GALNT13: variants seen among roughly 807,000 people sequenced by gnomAD.
GALNT13 encodes UDP-GalNAc:polypeptide N-acetylgalactosaminyltransferase 13.
Under a neutral mutation model 64.2 loss-of-function variants are expected in GALNT13, and 28 were observed. The ratio of observed to expected loss-of-function variants is 0.44; its 90% confidence interval spans 0.32 to 0.60. The LOEUF is 0.60. Among genes scored for constraint, GALNT13 ranks in the 20% least tolerant of loss-of-function variants. GALNT13 has a pLI of 0.05. For synonymous variants in GALNT13, 214 were observed against 224.6 expected, an observed-to-expected ratio of 0.95 and a Z score of 0.42; for missense variants, 577 against 669.8, an observed-to-expected ratio of 0.86 and a Z score of 1.53.
the GALNT13 span, among the ~76,000 whole-genome samples, chr2:153,682,604 A>G: frequency 6.6e-6 from 1 of 151,814 alleles, no homozygotes; most frequent in Non-Finnish European, 1.5e-5. Context: ...CAACATTTTC[A>G]TCAATGATTA....
the GALNT13 span, among the ~76,000 whole-genome samples, chr2:153,587,232 C>CA: frequency 0.43 from 55,606 of 129,264 alleles, 12,054 homozygotes; most frequent in South Asian, 0.51. Flanking sequence ...GACTCTGTCT[C>CA]AAAAAAAAAA....
chr2:154,232,620 C>A (rs990675547), intron 4 of GALNT13, among the ~76,000 whole-genome samples: 2 of 152,048 alleles, frequency 1.3e-5, no homozygotes, highest in South Asian at 4.1e-4. Flanking sequence ...AACACTGTAT[C>A]CCATCAGGAA....
chr2:153,545,513 C>G, the GALNT13 span, among the ~76,000 whole-genome samples: 1 of 152,128 alleles, frequency 6.6e-6, no homozygotes, highest in Non-Finnish European at 1.5e-5. Context: ...TATTGGAGGG[C>G]AAGCAGCAGT....
intron 4 of GALNT13, among the ~76,000 whole-genome samples, chr2:154,167,476 G>C (rs1286232956): frequency 1.3e-5 from 2 of 152,158 alleles, no homozygotes; most frequent in Non-Finnish European, 2.9e-5. Flanking sequence ...AAAAAAGGCA[G>C]CCTCTTCTTT....
At chr2:153,739,465 A>G in the GALNT13 span, among the ~76,000 whole-genome samples, 4 of 150,500 alleles carry the variant, frequency 2.7e-5, no homozygotes, top group African/African-American at 9.7e-5. Flanking sequence ...TATGAGTATT[A>G]CTATATGCTT....
the GALNT13 span, among the ~76,000 whole-genome samples, chr2:153,577,630 C>T: frequency 6.6e-6 from 1 of 151,968 alleles, no homozygotes; most frequent in Non-Finnish European, 1.5e-5. Context: ...TAGGTTCATA[C>T]ACATATATTT....
intron 4 of GALNT13, among the ~76,000 whole-genome samples, chr2:154,179,821 T>C (rs886167943): frequency 6.0e-5 from 6 of 99,688 alleles, no homozygotes; most frequent in African/African-American, 2.6e-4. Context: ...CCCTCTTCCA[T>C]GATAAAAAAA....
At chr2:153,193,560 A>G in the GALNT13 span, among the ~76,000 whole-genome samples, 3 of 152,124 alleles carry the variant, frequency 2.0e-5, no homozygotes, top group African/African-American at 4.8e-5. Flanking sequence ...ACTAACCTGC[A>G]CAATGTGCAC....
chr2:154,237,716 T>G (rs2105860824), intron 4 of GALNT13, among the ~76,000 whole-genome samples: 1 of 151,366 alleles, frequency 6.6e-6, no homozygotes, highest in South Asian at 2.1e-4. Flanking sequence ...TTAGCATGAG[T>G]TTTTCAAACA....
intron 3 of GALNT13, among the ~76,000 whole-genome samples, chr2:153,956,113 C>T (rs1351437899): frequency 1.3e-5 from 2 of 152,230 alleles, no homozygotes; most frequent in African/African-American, 4.8e-5. Context: ...TGAGGTTACA[C>T]ATTGAGGAAC....
chr2:154,237,714 A>G (rs1003918428), intron 4 of GALNT13, among the ~76,000 whole-genome samples: 15 of 151,556 alleles, frequency 9.9e-5, no homozygotes, highest in African/African-American at 3.6e-4. Flanking sequence ...AATTAGCATG[A>G]GTTTTTCAAA....
intron 2 of GALNT13, among the ~76,000 whole-genome samples, chr2:153,911,794 C>G (rs1233558412): frequency 6.6e-6 from 1 of 152,102 alleles, no homozygotes; most frequent in African/African-American, 2.4e-5. Context: ...GTCTGATGGG[C>G]TTCCTTTTGT....
chr2:154,069,746 A>G (rs1700648535), intron 3 of GALNT13, among the ~76,000 whole-genome samples: 1 of 152,094 alleles, frequency 6.6e-6, no homozygotes, highest in African/African-American at 2.4e-5. Context: ...TAGAGTATAG[A>G]ATAGACCAAC....
At chr2:153,611,162 T>A in the GALNT13 span, among the ~76,000 whole-genome samples, 1 of 152,152 alleles carries the variant, frequency 6.6e-6, no homozygotes, top group Non-Finnish European at 1.5e-5. Context: ...GTGTGTGAAA[T>A]TAAATGCAAA....
At chr2:154,053,471 A>G (rs1383214419) in intron 3 of GALNT13, among the ~76,000 whole-genome samples, 3 of 151,692 alleles carry the variant, frequency 2.0e-5, no homozygotes, top group African/African-American at 4.8e-5. Context: ...ATGACCTAAA[A>G]CTTTTCTGGC....
At chr2:153,417,990 A>G in the GALNT13 span, among the ~76,000 whole-genome samples, 1 of 152,204 alleles carries the variant, frequency 6.6e-6, no homozygotes, top group Admixed American at 6.5e-5. Flanking sequence ...AAGATGTGGG[A>G]GAACCAGCAA....
At chr2:154,176,035 C>T (rs1685627564) in intron 4 of GALNT13, among the ~76,000 whole-genome samples, 1 of 151,876 alleles carries the variant, frequency 6.6e-6, no homozygotes, top group Non-Finnish European at 1.5e-5. Context: ...TTAAGAAACC[C>T]TGTGTTAATG....
At chr2:154,229,167 T>C (rs1334071150) in intron 4 of GALNT13, among the ~76,000 whole-genome samples, 1 of 152,066 alleles carries the variant, frequency 6.6e-6, no homozygotes, top group Non-Finnish European at 1.5e-5. Flanking sequence ...TGTAATGATG[T>C]GTAAACACCG....
chr2:154,417,759 G>A (rs75524237), intron 11 of GALNT13, among the ~76,000 whole-genome samples: 59,239 of 151,532 alleles, frequency 0.39, 12,953 homozygotes, highest in Admixed American at 0.51. Flanking sequence ...TGATCCACCC[G>A]CCTCCACATC....
Sources: gnomAD v4.1 joint callset for allele counts (sites outside exome capture counted in the v4.1 genomes callset) on GRCh38, gnomAD v4.1.1 for gene constraint, MANE v1.5 for transcripts, NCBI Gene and HGNC (gene_info 2026-07-23, HGNC 2026-07-21) for gene names.